The following C1orf87 variants were observed in gnomAD, a reference collection of about 807,000 sequenced individuals.
C1orf87 encodes chromosome 1 open reading frame 87, also known as uncharacterized protein C1orf87.
C1orf87 carries 58 observed loss-of-function variants against 60.5 expected under a neutral mutation model. The observed-to-expected ratio is 0.96, with a 90% CI of 0.78 to 1.19. The LOEUF (loss-of-function observed/expected upper bound fraction) is 1.19. Among genes scored for constraint, C1orf87 ranks in the 50% most tolerant of loss-of-function variants. The pLI, the probability that C1orf87 is intolerant of heterozygous loss-of-function variation, is 0.00. For synonymous variants in C1orf87, 236 were observed against 227.4 expected (o/e 1.04, Z -0.34); for missense variants, 673 against 638.6 (o/e 1.05, Z -0.58).
intron 2 of C1orf87, among the ~76,000 whole-genome samples, chr1:60,060,882 A>G (rs778217041): frequency 1.1e-4 from 16 of 152,180 alleles, no homozygotes; most frequent in Non-Finnish European, 2.1e-4. Context: ...GCTAAAATGT[A>G]AATCTGGGAA....
chr1:60,015,653 G>T (rs1238184523), intron 8 of C1orf87, among the ~76,000 whole-genome samples: 1 of 152,150 alleles, frequency 6.6e-6, no homozygotes, highest in Non-Finnish European at 1.5e-5. Flanking sequence ...CATCCCTGGT[G>T]TCTTTTTGTG....
At position 60,052,534 on chromosome 1, in the gene C1orf87, A is replaced by C. The variant is rs1645422088; in HGVS notation, c.342+2670T>G. On this transcript the variant is annotated intron_variant, in intron 3 of 11. Transcript: ENST00000371201. The stretch of plus-strand genomic sequence containing the variant: ...TATCTCACTGTTCTTATATACACAA[A>C]ATGAGGGATTCTCTTAACATCTTCA... Among the ~76,000 whole-genome samples, 3 of 152,282 alleles carry C rather than the reference A, an allele frequency of 2.0e-5. 1 individual carries two copies. In the South Asian group the frequency reaches 6.2e-4, roughly 32 times the overall value.
intron 3 of C1orf87, 62 bp downstream of exon 3, chr1:60,055,142 G>A (rs1208191417): frequency 1.4e-6 from 2 of 1,389,824 alleles, no homozygotes; most frequent in Non-Finnish European, 1.0e-6. Context: ...GTGAACCTAT[G>A]TTTTTATCTA....
At chr1:60,065,309 C>T (rs949486710) in intron 2 of C1orf87, among the ~76,000 whole-genome samples, 1 of 151,494 alleles carries the variant, frequency 6.6e-6, no homozygotes, top group South Asian at 2.1e-4. Flanking sequence ...CTATTAGCTT[C>T]ATGGAGAGTT....
chr1:60,016,814 C>T (rs1472468294), intron 8 of C1orf87, among the ~76,000 whole-genome samples: 2 of 152,176 alleles, frequency 1.3e-5, no homozygotes, highest in Non-Finnish European at 2.9e-5. Flanking sequence ...TTACATGCCT[C>T]CTGGGTCCTG....
intron 8 of C1orf87, chr1:60,010,929 C>T (rs1218961635): frequency 6.6e-6 from 1 of 151,994 alleles, no homozygotes; most frequent in Non-Finnish European, 1.5e-5. Flanking sequence ...GTCTCCGTGC[C>T]ACTGGCCTCT....
chr1:59,992,463 C>T lies in C1orf87; in HGVS notation c.1481-1630G>A, dbSNP rs533753379. Among the ~76,000 whole-genome samples the T allele has an allele frequency of 2.0e-5, 3 of 152,074 alleles. No homozygotes were observed. The East Asian group carries it at 5.8e-4, about 29-fold the overall frequency. ...TAGTGATGAAGTTTCACTATGTGCCCAGACTGGTCTGGAACTCCTGAGCTC... is the reference window on the plus strand; with the variant it reads ...TAGTGATGAAGTTTCACTATGTGCCTAGACTGGTCTGGAACTCCTGAGCTC... On this transcript the variant is annotated intron_variant, in intron 11 of 11. Coordinates refer to ENST00000371201, the MANE Select transcript of C1orf87 (RefSeq NM_152377.3).
At chr1:60,003,849 G>A (rs1348859383) in intron 9 of C1orf87, among the ~76,000 whole-genome samples, 2 of 152,024 alleles carry the variant, frequency 1.3e-5, no homozygotes, top group Non-Finnish European at 2.9e-5. Context: ...AATCCTGGGA[G>A]AGGAGTAATT....
intron 9 of C1orf87, among the ~76,000 whole-genome samples, chr1:60,008,092 A>G (rs1224740925): frequency 1.3e-5 from 2 of 152,082 alleles, no homozygotes; most frequent in Non-Finnish European, 2.9e-5. Context: ...AGAGACCAAG[A>G]CATTGACTAA....
Position 60,037,184 on chromosome 1 carries a change from C to G in C1orf87, c.863+808G>C, listed in dbSNP as rs770115931. Among the ~76,000 whole-genome samples, 195 of 152,224 alleles carry G rather than the reference C, an allele frequency of 1.3e-3. 5 individuals are homozygous for G. The highest frequency in any genetic ancestry group is 4.6e-4 in the Admixed American group (7 of 15,286). On this transcript the variant is annotated intron_variant, in intron 6 of 11. Coordinates refer to ENST00000371201, the MANE Select transcript of C1orf87 (RefSeq NM_152377.3). ...TGTTTGAGTGAATGCCTTCAAGATCCCTGCCAGCTCTAGGAGTCTATGCCA... is the reference window on the plus strand; with the variant it reads ...TGTTTGAGTGAATGCCTTCAAGATCGCTGCCAGCTCTAGGAGTCTATGCCA...
intron 2 of C1orf87, among the ~76,000 whole-genome samples, chr1:60,058,374 C>A (rs1645471645): frequency 6.6e-6 from 1 of 152,018 alleles, no homozygotes; most frequent in Non-Finnish European, 1.5e-5. Context: ...TATGTTGTAT[C>A]TCTATAAAGT....
At chr1:60,052,661 T>C (rs886432616) in intron 3 of C1orf87, among the ~76,000 whole-genome samples, 4 of 152,246 alleles carry the variant, frequency 2.6e-5, no homozygotes, top group Non-Finnish European at 5.9e-5. Context: ...TCAGTCTTTA[T>C]CAGCAACTTC....
chr1:60,006,513 T>A (rs901045352), intron 9 of C1orf87, among the ~76,000 whole-genome samples: 5 of 151,970 alleles, frequency 3.3e-5, no homozygotes, highest in African/African-American at 1.2e-4. Context: ...GTTTGAGGGG[T>A]GTCAATGAGC....
chr1:60,053,174 A>C (rs1045668787), intron 3 of C1orf87, among the ~76,000 whole-genome samples: 1 of 152,220 alleles, frequency 6.6e-6, no homozygotes, highest in Non-Finnish European at 1.5e-5. Flanking sequence ...GTCAAGAAAC[A>C]GATGTCTATA....
At chr1:60,042,482 G>A (rs1645333008) in intron 3 of C1orf87, among the ~76,000 whole-genome samples, 1 of 152,186 alleles carries the variant, frequency 6.6e-6, no homozygotes, top group Non-Finnish European at 1.5e-5. Flanking sequence ...ACCTACAGAT[G>A]TTTTATAGTC....
chr1:60,035,913 A>G (rs949973488), intron 6 of C1orf87, among the ~76,000 whole-genome samples: 1 of 152,190 alleles, frequency 6.6e-6, no homozygotes, highest in Non-Finnish European at 1.5e-5. Context: ...TGGAACTAAC[A>G]ACACAGAGAT....
At chr1:60,010,185 A>G (rs1645073018) in intron 9 of C1orf87, among the ~76,000 whole-genome samples, 1 of 152,038 alleles carries the variant, frequency 6.6e-6, no homozygotes, top group Admixed American at 6.6e-5. Context: ...AACTTGGAGA[A>G]TTGTGCCTTT....
Position 60,073,734 on chromosome 1 carries a change from C to T in C1orf87, c.-72G>A, listed in dbSNP as rs1645599671. ...CCCTGGCAGCTCAGAGGTGCGCGGT[C>T]CGTGCTTCTCCCCAGGAAGCTGACA... On this transcript the variant is annotated 5_prime_UTR_variant, in exon 1 of 12. Transcript: ENST00000371201. 1.3e-5 allele frequency: 2 copies of T among 152,380 alleles called. No individual in the cohort carries two copies. The highest frequency in any genetic ancestry group is 4.8e-5 in the African/African-American group (2 of 41,480). 9.4% of individuals were successfully genotyped at this position (152,380 alleles called of 1,614,324 possible). A position where few individuals can be genotyped will look rare whatever the true frequency, so the allele number is the denominator to read the frequency against.
chr1:60,062,240 C>G (rs1645502329), intron 2 of C1orf87, among the ~76,000 whole-genome samples: 1 of 152,154 alleles, frequency 6.6e-6, no homozygotes, highest in Admixed American at 6.6e-5. Context: ...CAGCATACAT[C>G]TTTGTAATTA....
Sources: gnomAD v4.1 joint callset for allele counts (sites outside exome capture counted in the v4.1 genomes callset) on GRCh38, gnomAD v4.1.1 for gene constraint, MANE v1.5 for transcripts, NCBI Gene and HGNC (gene_info 2026-07-23, HGNC 2026-07-21) for gene names.